Variants in C1QTNF8 observed in about 807,000 individuals in gnomAD.
C1QTNF8 encodes the protein C1q and TNF related 8, also known as complement C1q tumor necrosis factor-related protein 8.
C1QTNF8 carries 27 observed loss-of-function variants against 19.2 expected under a neutral mutation model. The observed-to-expected ratio is 1.41, with a 90% CI of 1.04 to 1.94. C1QTNF8 has a LOEUF of 1.94. Among genes scored for constraint, C1QTNF8 ranks in the 30% most tolerant of loss-of-function variants. C1QTNF8 has a pLI of 0.00. For synonymous variants in C1QTNF8, 208 were observed against 172.8 expected, an observed-to-expected ratio of 1.20 and a Z score of -1.60; for missense variants, 484 against 374.4, an observed-to-expected ratio of 1.29 and a Z score of -2.42.
Position 1,093,609 on chromosome 16 carries a change from G to C in C1QTNF8, c.651C>G (p.Val217=), listed in dbSNP as rs1960613081. The change falls in exon 4 of 5, where the codon GTC becomes GTG. Residue 217 remains valine (V), a synonymous_variant. Transcript: ENST00000328449. ...LMLLLAAGDA[V]WVRMFQRDRD... ...GGTCGCGCTGGAACATGCGCACCCA[G>C]ACGGCGTCGCCCGCCGCCAGCAGCA... 6.2e-7 allele frequency: 1 copy of C among 1,604,464 alleles called. No individual in the cohort carries two copies. The highest frequency in any genetic ancestry group is 1.1e-5 in the South Asian group (1 of 90,314).
rs371241228 is a variant in C1QTNF8 at position 1,094,728 on chromosome 16, G to A, written c.195C>T (p.Ile65=). Residue 65 remains isoleucine, a synonymous_variant, in exon 3 of 5, where the codon ATC becomes ATT. Coordinates refer to ENST00000328449, the MANE Select transcript of C1QTNF8 (RefSeq NM_207419.3). Reference sequence around the variant, plus strand: ...CACGGGCCTCACCTTTGAGGATTTCGATGTCTATAGTGGGCCGTACTCGAG... The same window carrying A: ...CACGGGCCTCACCTTTGAGGATTTCAATGTCTATAGTGGGCCGTACTCGAG... The part of the protein sequence containing the change: ...GLPRVRPTID[I]EILKGEKGEA... The A allele has an allele frequency of 1.4e-5, 23 of 1,590,338 alleles. No individual in the cohort carries two copies. The highest frequency in any genetic ancestry group is 1.3e-4 in the South Asian group (12 of 89,014).
Position 1,094,141 on chromosome 16 carries a change from G to A in C1QTNF8, c.209-90C>T, listed in dbSNP as rs552204546. On this transcript the variant is annotated intron_variant, in intron 3 of 4. Coordinates refer to ENST00000328449, the MANE Select transcript of C1QTNF8 (RefSeq NM_207419.3). ...CCCAGGCCAGGGGCTGGGGCTCAAG[G>A]GTCACTGTAAGGACACACTCTTTGC... 8 of 1,100,764 alleles carry A rather than the reference G, an allele frequency of 7.3e-6. No homozygotes were observed. The African/African-American group carries it at 1.3e-4, about 18-fold the overall frequency. The allele number at this position is 1,100,764 out of a possible 1,614,324, so 68.2% of individuals were successfully genotyped here.
chr16:1,094,558 G>T, intron 3 of C1QTNF8, 157 bp downstream of exon 3: 6 of 521,238 alleles, frequency 1.2e-5, no homozygotes, highest in Non-Finnish European at 1.9e-5. Context: ...CTTGCGGGGG[G>T]AGCCCAGGGG....
In C1QTNF8 at chr16:1,094,785, G is replaced by A; in HGVS notation, c.138C>T (p.Asp46=). 3.9e-6 allele frequency: 6 copies of A among 1,539,214 alleles called. No individual in the cohort carries two copies. The highest frequency in any genetic ancestry group is 5.2e-6 in the Non-Finnish European group (6 of 1,144,322). ...PGPYARVSDR[D]LWRGDLWRGL... is the part of the protein sequence containing the mutation. ...CCCTCCACAGGTCCCCCCTCCACAG[G>A]TCCCTGTCACTCACCCGGGCATAGG... Residue 46 remains aspartate, a synonymous_variant, in exon 3 of 5, where the codon GAC becomes GAT. Coordinates refer to ENST00000328449, the MANE Select transcript of C1QTNF8 (RefSeq NM_207419.3).
At chr16:1,093,370 G>GGCCCCCCCCCCCCC in intron 4 of C1QTNF8, 127 bp downstream of exon 4, 1 of 417,556 alleles carries the variant, frequency 2.4e-6, no homozygotes, top group Non-Finnish European at 4.4e-6. Context: ...AAGCTCCGCT[G>GGCCCCCCCCCCCCC]CCCGCCCACC....
rs572628895 is a variant in C1QTNF8 at position 1,088,406 on chromosome 16, G to A, written c.*2193C>T. On this transcript the variant is annotated 3_prime_UTR_variant, in exon 5 of 5. Transcript: ENST00000328449. ...ATTAAAGCCAGCACGGGCCGACCAC[G>A]GGGGTGCCCGGTGCGGTTCTGATGG... 2.6e-5 allele frequency among the ~76,000 whole-genome samples: 4 copies of A among 152,268 alleles called. No homozygotes were observed. Among genetic ancestry groups the A allele is most frequent in the South Asian group, 2.1e-4 (1 of 4,820 alleles).
intron 3 of C1QTNF8, 52 bp from the exon 4 acceptor site, chr16:1,094,103 C>T: frequency 7.4e-7 from 1 of 1,350,880 alleles, no homozygotes; most frequent in Non-Finnish European, 9.5e-7. Flanking sequence ...GGCAGGCCTC[C>T]CCCATTCCAG....
At chr16:1,093,271 C>T (rs374067028) in intron 4 of C1QTNF8, among the ~76,000 whole-genome samples, 1 of 137,150 alleles carries the variant, frequency 7.3e-6, no homozygotes, top group Admixed American at 6.9e-5. Flanking sequence ...ACACAGTCGG[C>T]GCTCAACAAA....
At chr16:1,090,818 A>T (rs1219951284) in intron 4 of C1QTNF8, among the ~76,000 whole-genome samples, 1 of 152,090 alleles carries the variant, frequency 6.6e-6, no homozygotes, top group African/African-American at 2.4e-5. Context: ...CTGGGGCCCC[A>T]CAGCAACAGG....
Position 1,093,557 on chromosome 16 carries a change from CGTGCTCGCCGTAGAT to C in C1QTNF8, c.688_702del (p.Ile230_His234del). Reference sequence around the variant, plus strand: ...CCGCTGAAGGTGATGTAGAGGTCTCCGTGCTCGCCGTAGATGGCGTTGTCCCGGTCGCGCTGGAAC... The same window carrying C: ...CCGCTGAAGGTGATGTAGAGGTCTCCGGCGTTGTCCCGGTCGCGCTGGAAC... On this transcript the variant is annotated inframe_deletion, in exon 4 of 5. Coordinates refer to ENST00000328449, the MANE Select transcript of C1QTNF8 (RefSeq NM_207419.3). 1.3e-6 allele frequency: 2 copies of C among 1,589,460 alleles called. No homozygotes were observed. The highest frequency in any genetic ancestry group is 1.7e-6 in the Non-Finnish European group (2 of 1,166,488).
Position 1,094,910 on chromosome 16 carries a change from C to T in C1QTNF8, c.13G>A (p.Ala5Thr), listed in dbSNP as rs778037932. 11 of 1,315,186 alleles carry T rather than the reference C, an allele frequency of 8.4e-6. No homozygotes were observed. Among genetic ancestry groups the T allele is most frequent in the East Asian group, 3.0e-5 (1 of 33,104 alleles). The allele number at this position is 1,315,186 out of a possible 1,614,324, so 81.5% of individuals were successfully genotyped here. ...AGCAGCAGTGCTAGGAGCAGCAGGG[C>T]GGGGGCTGCCATCTTGGCCAGGGCT... MAAP[A>T]LLLLALLLPV... The change falls in exon 3 of 5, where the codon GCC (alanine) becomes ACC (threonine). Residue 5 changes from alanine (A) to threonine (T), a missense_variant. Coordinates refer to ENST00000328449, the MANE Select transcript of C1QTNF8 (RefSeq NM_207419.3).
chr16:1,091,715 A>G (rs946467622), intron 4 of C1QTNF8, among the ~76,000 whole-genome samples: 6 of 152,104 alleles, frequency 3.9e-5, no homozygotes, highest in Non-Finnish European at 4.4e-5. Context: ...GGTGCCCATC[A>G]GGGTCCAATC....
chr16:1,093,773 C>T lies in C1QTNF8; in HGVS notation c.487G>A (p.Val163Ile). 6.2e-7 allele frequency: 1 copy of T among 1,612,132 alleles called. No individual in the cohort carries two copies. The highest frequency in any genetic ancestry group is 8.5e-7 in the Non-Finnish European group (1 of 1,179,686). The change falls in exon 4 of 5, where the codon GTC becomes ATC. Residue 163 changes from valine to isoleucine, a missense_variant. By Grantham distance (29) the Val-to-Ile change is conservative. Coordinates refer to ENST00000328449, the MANE Select transcript of C1QTNF8 (RefSeq NM_207419.3). ...TGCACGTTGAGGCTGAGGAAGTAGA[C>T]GCCGGGCACCGTGCAGAGGAAGCGG... Reference protein sequence around the residue: ...AGRFLCTVPGVYFLSLNVHTW... With the variant: ...AGRFLCTVPGIYFLSLNVHTW...
Position 1,089,638 on chromosome 16 carries a change from G to A in C1QTNF8, c.*961C>T, listed in dbSNP as rs1040634117. ...CACTGGGTGTCCTCACTTGGGAACG[G>A]GCTGAGTGAGCACAAGGCTCCCCAG... On this transcript the variant is annotated 3_prime_UTR_variant, in exon 5 of 5. Coordinates refer to ENST00000328449, the MANE Select transcript of C1QTNF8 (RefSeq NM_207419.3). Among the ~76,000 whole-genome samples, 2 of 152,222 alleles carry A rather than the reference G, an allele frequency of 1.3e-5. No individual in the cohort carries two copies. Among genetic ancestry groups the A allele is most frequent in the East Asian group, 3.8e-4 (2 of 5,196 alleles).
chr16:1,094,552 C>T (rs1244053842), intron 3 of C1QTNF8, 163 bp downstream of exon 3: 8 of 511,828 alleles, frequency 1.6e-5, no homozygotes, highest in Admixed American at 4.1e-5. Context: ...TTCCTGCTTG[C>T]GGGGGGAGCC....
intron 2 of C1QTNF8, 142 bp from the exon 3 acceptor site, chr16:1,095,075 G>T: frequency 9.7e-6 from 4 of 414,466 alleles, no homozygotes; most frequent in Non-Finnish European, 1.7e-5. Flanking sequence ...GACGGTCCTG[G>T]CCCAGTGGGT....
rs1000303863 is a variant in C1QTNF8 at position 1,088,941 on chromosome 16, T to A, written c.*1658A>T. 4.6e-5 allele frequency among the ~76,000 whole-genome samples: 7 copies of A among 152,118 alleles called. No homozygotes were observed. The highest frequency in any genetic ancestry group is 1.9e-4 in the East Asian group (1 of 5,184). On this transcript the variant is annotated 3_prime_UTR_variant, in exon 5 of 5. Transcript: ENST00000328449. ...CGGGGCTGCTGTGGTCACGTCTGGG[T>A]CCTTGGCTGGGCCTGGTGACGGGCA... is the stretch of plus-strand genomic sequence containing the variant.
Position 1,093,639 on chromosome 16 carries a change from C to G in C1QTNF8, c.621G>C (p.Leu207=). ...SERSVMQAQS[L]MLLLAAGDAV... Reference sequence around the variant, plus strand: ...CGTCGCCCGCCGCCAGCAGCAGCATCAGGCTCTGGGCCTGCATGACGCTGC... The same window carrying G: ...CGTCGCCCGCCGCCAGCAGCAGCATGAGGCTCTGGGCCTGCATGACGCTGC... Residue 207 remains leucine (L), a synonymous_variant, in exon 4 of 5, where the codon CTG becomes CTC. Coordinates refer to ENST00000328449, the MANE Select transcript of C1QTNF8 (RefSeq NM_207419.3). 1 of 1,610,270 alleles carries G rather than the reference C, an allele frequency of 6.2e-7. No individual in the cohort carries two copies. Among genetic ancestry groups the G allele is most frequent in the Non-Finnish European group, 8.5e-7 (1 of 1,178,592 alleles).
chr16:1,095,068 G>A lies in C1QTNF8; in HGVS notation c.-11-135C>T, dbSNP rs533639831. The A allele has an allele frequency of 4.7e-5, 20 of 421,350 alleles. No homozygotes were observed. In the Admixed American group the frequency reaches 7.3e-4, roughly 15 times the overall value. The allele number at this position is 421,350 out of a possible 1,614,324, so 26.1% of individuals were successfully genotyped here. On this transcript the variant is annotated intron_variant, in intron 2 of 4. Transcript: ENST00000328449. ...CGGGAGCTTCTGCCTGGGCACGGAC[G>A]GTCCTGGCCCAGTGGGTGAGGCCAA...
Sources: allele counts gnomAD v4.1 joint callset (sites outside exome capture counted in the v4.1 genomes callset), GRCh38; gene constraint gnomAD v4.1.1; transcripts MANE v1.5; gene names NCBI Gene and HGNC (gene_info 2026-07-23, HGNC 2026-07-21).